Variants in RIMS2 observed in about 807,000 individuals in gnomAD.
The protein encoded by RIMS2 is regulating synaptic membrane exocytosis protein 2.
RIMS2 carries 59 observed loss-of-function variants against 174.4 expected under a neutral mutation model. The observed-to-expected ratio is 0.34, with a 90% CI of 0.27 to 0.42. The LOEUF is 0.42. RIMS2 is among the 10% of genes least tolerant of loss of function. RIMS2 has a pLI of 1.00. For synonymous variants in RIMS2, 606 were observed against 572.5 expected (o/e 1.06, Z -0.84); for missense variants, 1,620 against 1,666.3 (o/e 0.97, Z 0.48).
intron 1 of RIMS2, among the ~76,000 whole-genome samples, chr8:103,602,444 C>T (rs1227383621): frequency 6.6e-6 from 1 of 151,942 alleles, no homozygotes; most frequent in East Asian, 1.9e-4. Context: ...TTTCCTGATC[C>T]CATCCCTCCT....
intron 2 of RIMS2, among the ~76,000 whole-genome samples, chr8:103,699,988 C>T (rs1448796031): frequency 6.6e-6 from 1 of 152,144 alleles, no homozygotes; most frequent in Non-Finnish European, 1.5e-5. Flanking sequence ...TATTTTATGG[C>T]CCAGAATATG....
At chr8:104,088,443 T>C (rs2097574982) in intron 19 of RIMS2, among the ~76,000 whole-genome samples, 1 of 152,010 alleles carries the variant, frequency 6.6e-6, no homozygotes, top group African/African-American at 2.4e-5. Flanking sequence ...TTGCCTTAGT[T>C]TTCTTTCCCC....
chr8:103,605,666 C>T (rs939713049), intron 1 of RIMS2, among the ~76,000 whole-genome samples: 5 of 152,104 alleles, frequency 3.3e-5, no homozygotes, highest in Admixed American at 3.3e-4. Flanking sequence ...TGAGTATTGC[C>T]ACAATTTCTG....
At chr8:104,196,668 G>T (rs896446041) in intron 19 of RIMS2, among the ~76,000 whole-genome samples, 5 of 152,074 alleles carry the variant, frequency 3.3e-5, no homozygotes, top group Non-Finnish European at 7.4e-5. Flanking sequence ...AGACCCAAAT[G>T]TCCTTTGTTC....
At chr8:103,603,697 G>C (rs1401439901) in intron 1 of RIMS2, among the ~76,000 whole-genome samples, 5 of 137,480 alleles carry the variant, frequency 3.6e-5, no homozygotes, top group South Asian at 2.5e-4. Flanking sequence ...ATTCTAACTG[G>C]TGTGAGATGG....
chr8:104,202,441 G>A (rs886718491), intron 19 of RIMS2, among the ~76,000 whole-genome samples: 1 of 152,186 alleles, frequency 6.6e-6, no homozygotes, highest in Admixed American at 6.5e-5. Context: ...GCACTGTAAA[G>A]CTAAAGATTA....
chr8:103,750,533 C>T (rs772936618), intron 2 of RIMS2, among the ~76,000 whole-genome samples: 33 of 152,152 alleles, frequency 2.2e-4, no homozygotes, highest in Non-Finnish European at 2.9e-4. Context: ...GTTTATGATA[C>T]GGTTTGGCTT....
At chr8:103,919,075 T>C (rs2077127217) in intron 9 of RIMS2, among the ~76,000 whole-genome samples, 2 of 152,350 alleles carry the variant, frequency 1.3e-5, no homozygotes, top group South Asian at 2.1e-4. Context: ...TTATTTTGAG[T>C]GCTATTTCCA....
At chr8:103,675,155 G>T (rs1445906010) in intron 1 of RIMS2, among the ~76,000 whole-genome samples, 1 of 152,050 alleles carries the variant, frequency 6.6e-6, no homozygotes, top group Non-Finnish European at 1.5e-5. Context: ...CAAGTGATCT[G>T]CCCGCTTTGG....
intron 19 of RIMS2, among the ~76,000 whole-genome samples, chr8:104,042,250 T>A (rs1480259075): frequency 1.3e-5 from 2 of 151,608 alleles, no homozygotes; most frequent in Non-Finnish European, 3.0e-5. Flanking sequence ...TAGCTTCTTT[T>A]GTAGAGAGCA....
chr8:103,872,386 AAT>A (rs2099116692), intron 3 of RIMS2, among the ~76,000 whole-genome samples: 1 of 152,340 alleles, frequency 6.6e-6, no homozygotes, highest in African/African-American at 2.4e-5. Context: ...TTAATTTACT[AAT>A]GAGCGTAGAT....
At chr8:104,238,874 T>C (rs2099272826) in intron 19 of RIMS2, among the ~76,000 whole-genome samples, 2 of 152,314 alleles carry the variant, frequency 1.3e-5, no homozygotes, top group East Asian at 1.9e-4. Context: ...AATGCAAAAA[T>C]AGCAACTCGT....
At chr8:103,787,516 C>T (rs2098454896) in intron 3 of RIMS2, among the ~76,000 whole-genome samples, 1 of 151,632 alleles carries the variant, frequency 6.6e-6, no homozygotes, top group African/African-American at 2.4e-5. Context: ...TATTTTATTT[C>T]TCCTTCGCTT....
At chr8:103,608,832 G>A (rs534307729) in intron 1 of RIMS2, among the ~76,000 whole-genome samples, 2 of 152,344 alleles carry the variant, frequency 1.3e-5, no homozygotes, top group South Asian at 2.1e-4. Flanking sequence ...GTGAGGCAAT[G>A]CCTCGCCCTG....
intron 1 of RIMS2, among the ~76,000 whole-genome samples, chr8:103,630,291 G>T (rs576212275): frequency 2.1e-5 from 3 of 145,620 alleles, no homozygotes; most frequent in Non-Finnish European, 3.0e-5. Flanking sequence ...GGAAGTAAAT[G>T]GTTACATTTT....
chr8:103,928,652 A>C (rs1169082464), intron 11 of RIMS2, among the ~76,000 whole-genome samples: 1 of 151,116 alleles, frequency 6.6e-6, no homozygotes, highest in East Asian at 1.9e-4. Flanking sequence ...ATTTTGTTTA[A>C]ATTTTTAAAA....
At chr8:103,543,207 G>A (rs559825341) in intron 1 of RIMS2, among the ~76,000 whole-genome samples, 5 of 152,240 alleles carry the variant, frequency 3.3e-5, no homozygotes, top group Admixed American at 2.6e-4. Flanking sequence ...CAAATCAGTA[G>A]CATTTTTGTG....
chr8:103,657,005 G>A (rs2135976794), intron 1 of RIMS2, among the ~76,000 whole-genome samples: 1 of 152,178 alleles, frequency 6.6e-6, no homozygotes, highest in Non-Finnish European at 1.5e-5. Flanking sequence ...AATAGCCCAG[G>A]GAAGGAGTAA....
chr8:104,235,615 G>A (rs1251199114), intron 19 of RIMS2, among the ~76,000 whole-genome samples: 1 of 151,952 alleles, frequency 6.6e-6, no homozygotes, highest in African/African-American at 2.4e-5. Context: ...ACTGACAGAC[G>A]TTATTGACTT....
Sources: allele counts gnomAD v4.1 joint callset (sites outside exome capture counted in the v4.1 genomes callset), GRCh38; gene constraint gnomAD v4.1.1; transcripts MANE v1.5; gene names NCBI Gene and HGNC (gene_info 2026-07-23, HGNC 2026-07-21).